The following C1orf21 variants were observed in gnomAD, a reference collection of about 807,000 sequenced individuals.
C1orf21 encodes chromosome 1 open reading frame 21.
Under a neutral mutation model 18.7 loss-of-function variants are expected in C1orf21, and 3 were observed. That is an observed-to-expected ratio of 0.16 (90% CI 0.07 to 0.42). The LOEUF is 0.42. C1orf21 is among the 10% of genes least tolerant of loss of function. The probability of loss-of-function intolerance (pLI) is 0.99; values close to 1 mark genes in which losing one functional copy is unlikely to be tolerated. For synonymous variants in C1orf21, 41 were observed against 46.4 expected, an observed-to-expected ratio of 0.88 and a Z score of 0.47; for missense variants, 104 against 143.6, an observed-to-expected ratio of 0.72 and a Z score of 1.41.
intron 1 of C1orf21, among the ~76,000 whole-genome samples, chr1:184,442,934 A>C (rs1173220776): frequency 6.6e-6 from 1 of 152,198 alleles, no homozygotes; most frequent in African/African-American, 2.4e-5. Context: ...CAGCATTTAA[A>C]ATAATTTAAC....
At chr1:184,452,495 T>C (rs938266144) in intron 1 of C1orf21, among the ~76,000 whole-genome samples, 1 of 152,150 alleles carries the variant, frequency 6.6e-6, no homozygotes, top group African/African-American at 2.4e-5. Flanking sequence ...GAGCTCTTTG[T>C]TTTTCTGCTT....
intron 3 of C1orf21, among the ~76,000 whole-genome samples, chr1:184,555,589 G>GT (rs915143601): frequency 5.3e-5 from 8 of 151,866 alleles, no homozygotes; most frequent in African/African-American, 1.9e-4. Flanking sequence ...ACAAACACCT[G>GT]TTACCTTCTT....
intron 5 of C1orf21, among the ~76,000 whole-genome samples, chr1:184,599,936 C>T (rs1659564559): frequency 6.6e-6 from 1 of 152,138 alleles, no homozygotes; most frequent in African/African-American, 2.4e-5. Context: ...ACACTTCTGG[C>T]CGCAGGCATT....
intron 1 of C1orf21, among the ~76,000 whole-genome samples, chr1:184,434,334 G>T (rs1484819334): frequency 2.0e-5 from 3 of 151,980 alleles, no homozygotes; most frequent in Non-Finnish European, 4.4e-5. Flanking sequence ...GTCAGGTAGG[G>T]GCTATTATCT....
chr1:184,581,677 A>C (rs576566334), intron 3 of C1orf21, among the ~76,000 whole-genome samples: 1 of 152,316 alleles, frequency 6.6e-6, no homozygotes, highest in Admixed American at 6.5e-5. Flanking sequence ...ATGGTGACTT[A>C]ATGACTTTTA....
rs1557964982 is a variant in C1orf21 at position 184,410,637 on chromosome 1, AT to A, written c.-125+23270del. On this transcript the variant is annotated intron_variant, in intron 1 of 5. Transcript: ENST00000235307. ...ATATATTATATATATATATATATATATATATATATATATATATATATATATA... is the reference window on the plus strand; with the variant it reads ...ATATATTATATATATATATATATATAATATATATATATATATATATATATA... Among the ~76,000 whole-genome samples the A allele has an allele frequency of 1.1e-3, 4 of 3,650 alleles. 1 individual carries two copies. Among genetic ancestry groups the A allele is most frequent in the African/African-American group, 0.013 (2 of 152 alleles). 2.4% of individuals were successfully genotyped at this position (3,650 alleles called of 152,430 possible). A position where few individuals can be genotyped will look rare whatever the true frequency, so the allele number is the denominator to read the frequency against.
chr1:184,534,773 GGT>G (rs1458646002), intron 3 of C1orf21, among the ~76,000 whole-genome samples: 1 of 152,140 alleles, frequency 6.6e-6, no homozygotes, highest in Non-Finnish European at 1.5e-5. Context: ...CAGTTGAACA[GGT>G]AACTCTGTAG....
chr1:184,545,718 C>T (rs1658718714), intron 3 of C1orf21, among the ~76,000 whole-genome samples: 1 of 152,166 alleles, frequency 6.6e-6, no homozygotes, highest in Non-Finnish European at 1.5e-5. Context: ...GCCAACTGAG[C>T]AAGAATTCTT....
At chr1:184,398,606 C>G (rs1656100816) in intron 1 of C1orf21, among the ~76,000 whole-genome samples, 1 of 152,196 alleles carries the variant, frequency 6.6e-6, no homozygotes, top group Non-Finnish European at 1.5e-5. Context: ...GTGCATACAT[C>G]ATAGAGTGTA....
chr1:184,524,403 C>T (rs1454421697), intron 3 of C1orf21, among the ~76,000 whole-genome samples: 4 of 152,070 alleles, frequency 2.6e-5, no homozygotes, highest in African/African-American at 9.7e-5. Context: ...GTAATGACCT[C>T]CTTAAACCTT....
At chr1:184,556,718 A>G (rs1010386686) in intron 3 of C1orf21, among the ~76,000 whole-genome samples, 4 of 152,334 alleles carry the variant, frequency 2.6e-5, no homozygotes, top group Admixed American at 6.5e-5. Flanking sequence ...TGGAAAGGTG[A>G]TATCTGTATC....
chr1:184,604,409 T>A (rs1659623433), intron 5 of C1orf21, among the ~76,000 whole-genome samples: 1 of 152,228 alleles, frequency 6.6e-6, no homozygotes, highest in East Asian at 1.9e-4. Flanking sequence ...GAGATACTCT[T>A]GCTGGCATAT....
chr1:184,516,620 G>A (rs560782166), intron 3 of C1orf21, among the ~76,000 whole-genome samples: 11 of 152,282 alleles, frequency 7.2e-5, no homozygotes, highest in South Asian at 4.1e-4. Flanking sequence ...GATGGCAGCC[G>A]GCAAAGAGAG....
chr1:184,415,728 C>T (rs575699100), intron 1 of C1orf21, among the ~76,000 whole-genome samples: 18 of 152,288 alleles, frequency 1.2e-4, no homozygotes, highest in African/African-American at 4.3e-4. Flanking sequence ...ATTTCCAAGT[C>T]TGTACCTTCA....
At chr1:184,453,522 G>A (rs572150523) in intron 1 of C1orf21, among the ~76,000 whole-genome samples, 8 of 152,094 alleles carry the variant, frequency 5.3e-5, no homozygotes, top group Non-Finnish European at 1.2e-4. Flanking sequence ...ATTGATCTGC[G>A]TTTTAATGTT....
At chr1:184,519,073 ATTGT>A (rs1320528010) in intron 3 of C1orf21, among the ~76,000 whole-genome samples, 1 of 152,162 alleles carries the variant, frequency 6.6e-6, no homozygotes, top group Non-Finnish European at 1.5e-5. Flanking sequence ...CAATAGTCAC[ATTGT>A]TTGGCCAGTT....
intron 3 of C1orf21, among the ~76,000 whole-genome samples, chr1:184,555,494 CTG>C (rs1235969912): frequency 2.6e-5 from 4 of 152,180 alleles, no homozygotes; most frequent in Non-Finnish European, 4.4e-5. Context: ...TTCTGTAAAA[CTG>C]TGCTGTGATG....
intron 3 of C1orf21, among the ~76,000 whole-genome samples, chr1:184,559,477 T>TCCTTCATTCCTTCCTTCCTTCCTTCCCC (rs1658922416): frequency 9.2e-6 from 1 of 108,828 alleles, no homozygotes; most frequent in South Asian, 3.1e-4. Flanking sequence ...CTCCTTTCCC[T>TCCTTCATTCCTTCCTTCCTTCCTTCCCC]CCTTCCTTCC....
chr1:184,456,552 A>G (rs1657201257), intron 1 of C1orf21, among the ~76,000 whole-genome samples: 1 of 152,242 alleles, frequency 6.6e-6, no homozygotes, highest in Non-Finnish European at 1.5e-5. Context: ...CGGTAAAGAC[A>G]GTTCCACTGT....
Sources: gnomAD v4.1 joint callset for allele counts (sites outside exome capture counted in the v4.1 genomes callset) on GRCh38, gnomAD v4.1.1 for gene constraint, MANE v1.5 for transcripts, NCBI Gene and HGNC (gene_info 2026-07-23, HGNC 2026-07-21) for gene names.